The following GPHN variants were observed in gnomAD, a reference collection of about 807,000 sequenced individuals.
GPHN encodes the protein gephyrin.
GPHN carries 17 observed loss-of-function variants against 95.5 expected under a neutral mutation model. That is an observed-to-expected ratio of 0.18 (90% CI 0.12 to 0.27). The LOEUF (loss-of-function observed/expected upper bound fraction) is 0.27. Among genes scored for constraint, GPHN ranks in the 10% least tolerant of loss-of-function variants. GPHN has a pLI of 1.00. For missense variants in GPHN, 660 were observed against 978.1 expected, an observed-to-expected ratio of 0.67 and a Z score of 4.34; for synonymous variants, 320 against 322.5, an observed-to-expected ratio of 0.99 and a Z score of 0.08.
the GPHN span, among the ~76,000 whole-genome samples, chr14:67,422,892 T>C: frequency 6.8e-6 from 1 of 146,592 alleles, no homozygotes; most frequent in Non-Finnish European, 1.5e-5. Context: ...AGTACAATGG[T>C]GCAATCTTGG....
intron 3 of GPHN, among the ~76,000 whole-genome samples, chr14:66,791,467 A>C (rs990423373): frequency 6.6e-6 from 1 of 152,388 alleles, no homozygotes; most frequent in South Asian, 2.1e-4. Flanking sequence ...GGCCACTTTT[A>C]TGGTTATTTC....
chr14:67,198,583 T>C, the GPHN span, among the ~76,000 whole-genome samples: 1 of 152,210 alleles, frequency 6.6e-6, no homozygotes, highest in Non-Finnish European at 1.5e-5. Context: ...CTTCCCAAAA[T>C]TACATGAAGC....
chr14:66,609,454 G>A (rs543794905), intron 1 of GPHN, among the ~76,000 whole-genome samples: 1 of 152,130 alleles, frequency 6.6e-6, no homozygotes, highest in South Asian at 2.1e-4. Flanking sequence ...ACTCACAAGA[G>A]TTTTCTGTAT....
chr14:67,580,569 G>T, the GPHN span, among the ~76,000 whole-genome samples: 1 of 152,238 alleles, frequency 6.6e-6, no homozygotes, highest in Non-Finnish European at 1.5e-5. Context: ...CATCTGTGAG[G>T]CTTTGTTACA....
chr14:67,577,368 C>T, the GPHN span: 2 of 1,592,330 alleles, frequency 1.3e-6, no homozygotes, highest in South Asian at 2.3e-5. Flanking sequence ...TCCCTCACCA[C>T]CCTGCCCTCT....
At chr14:66,558,399 T>A (rs1234250101) in intron 1 of GPHN, among the ~76,000 whole-genome samples, 2 of 152,154 alleles carry the variant, frequency 1.3e-5, no homozygotes, top group Non-Finnish European at 2.9e-5. Flanking sequence ...ATCAAAAATT[T>A]TTTTATATGA....
the GPHN span, among the ~76,000 whole-genome samples, chr14:67,724,014 T>C: frequency 6.6e-6 from 1 of 152,236 alleles, no homozygotes; most frequent in South Asian, 2.1e-4. Flanking sequence ...CTAAGAGCAG[T>C]ACCTGTGTGT....
At chr14:67,508,752 T>TCAAAAAAAAAAAAAAAAA in the GPHN span, among the ~76,000 whole-genome samples, 1 of 18,868 alleles carries the variant, frequency 5.3e-5, no homozygotes, top group Non-Finnish European at 1.7e-4. Context: ...AAACCTTGTC[T>TCAAAAAAAAAAAAAAAAA]CAAAAAAAAA....
the GPHN span, among the ~76,000 whole-genome samples, chr14:67,277,171 G>C: frequency 6.6e-6 from 1 of 152,106 alleles, no homozygotes; most frequent in Non-Finnish European, 1.5e-5. Context: ...CTTAAGAATT[G>C]CCTAACAAAA....
At chr14:67,208,540 C>A in the GPHN span, 5 of 1,304,606 alleles carry the variant, frequency 3.8e-6, no homozygotes, top group Non-Finnish European at 5.2e-6. Flanking sequence ...CAGGCATCTG[C>A]CACTGAAGAT....
At chr14:67,180,511 C>T (rs930152188) in intron 22 of GPHN, among the ~76,000 whole-genome samples, 2 of 152,112 alleles carry the variant, frequency 1.3e-5, no homozygotes, top group East Asian at 1.9e-4. Flanking sequence ...TTTTCAGACA[C>T]GCATAACATT....
At chr14:67,557,522 C>A in the GPHN span, 1 of 1,017,600 alleles carries the variant, frequency 9.8e-7, no homozygotes, top group Non-Finnish European at 1.4e-6. Context: ...TGCTGGGGAA[C>A]TCGCTCCCTC....
intron 9 of GPHN, among the ~76,000 whole-genome samples, chr14:66,989,178 C>T (rs1274714676): frequency 1.3e-5 from 2 of 151,942 alleles, no homozygotes; most frequent in African/African-American, 4.8e-5. Flanking sequence ...GTTTTCTGCA[C>T]ATATTCTTAT....
chr14:66,818,201 T>C (rs1460715446), intron 3 of GPHN, among the ~76,000 whole-genome samples: 2 of 152,096 alleles, frequency 1.3e-5, no homozygotes, highest in East Asian at 3.9e-4. Flanking sequence ...ACAGATTATT[T>C]CATCACCAGG....
chr14:66,771,627 A>T (rs986437733), intron 2 of GPHN, among the ~76,000 whole-genome samples: 1 of 152,060 alleles, frequency 6.6e-6, no homozygotes, highest in Non-Finnish European at 1.5e-5. Context: ...CACATTGTGC[A>T]GGTTAGTTAC....
the GPHN span, chr14:67,335,868 A>C: frequency 6.6e-6 from 1 of 152,288 alleles, no homozygotes; most frequent in Admixed American, 6.5e-5. Context: ...GTTTCCACAC[A>C]TGTAAAGACC....
chr14:66,847,861 A>G (rs963568339), intron 4 of GPHN, among the ~76,000 whole-genome samples: 11 of 151,968 alleles, frequency 7.2e-5, no homozygotes, highest in Non-Finnish European at 1.3e-4. Flanking sequence ...TTCTCCCCCT[A>G]TTTGCCCTCC....
intron 1 of GPHN, among the ~76,000 whole-genome samples, chr14:66,619,488 G>GTT (rs56979886): frequency 0.042 from 5,959 of 143,482 alleles, 178 homozygotes; most frequent in Middle Eastern, 0.07. Context: ...ATATTCTCAG[G>GTT]TTTTTTTTTT....
chr14:67,116,417 CTGCT>C (rs1208152363), intron 16 of GPHN, among the ~76,000 whole-genome samples: 1 of 152,042 alleles, frequency 6.6e-6, no homozygotes, highest in Non-Finnish European at 1.5e-5. Context: ...CAGGGCAGGA[CTGCT>C]TAGGAGATGG....
Sources: allele counts gnomAD v4.1 joint callset (sites outside exome capture counted in the v4.1 genomes callset), GRCh38; gene constraint gnomAD v4.1.1; transcripts MANE v1.5; gene names NCBI Gene and HGNC (gene_info 2026-07-23, HGNC 2026-07-21).